The following MYOF variants were observed in gnomAD, a reference collection of about 807,000 sequenced individuals.
The protein encoded by MYOF is myoferlin.
In MYOF, 244 loss-of-function variants were observed where a neutral mutation model predicts 284.2. The observed-to-expected ratio is 0.86, with a 90% confidence interval of 0.77 to 0.95. The LOEUF is 0.95. Among genes scored for constraint, MYOF ranks in the 40% least tolerant of loss-of-function variants. The pLI is 0.00. For missense variants in MYOF, 2,496 were observed against 2,560.6 expected (o/e 0.97, Z 0.54); for synonymous variants, 904 against 919.7 (o/e 0.98, Z 0.31).
chr10:93,442,625 C>G lies in MYOF; in HGVS notation c.236+9425G>C, dbSNP rs149120398. On this transcript the variant is annotated intron_variant, in intron 3 of 53. Transcript: ENST00000359263. ...ATTTATATTCAGAAACTGTTTCTAACTTTGTTCTGCATTGGTGTGGAAGTA... is the reference window on the plus strand; with the variant it reads ...ATTTATATTCAGAAACTGTTTCTAAGTTTGTTCTGCATTGGTGTGGAAGTA... Among the ~76,000 whole-genome samples, 356 of 152,270 alleles carry G rather than the reference C, an allele frequency of 2.3e-3. 2 individuals are homozygous for G. The highest frequency in any genetic ancestry group is 0.014 in the Middle Eastern group (4 of 294).
chr10:93,461,694 GA>G (rs1335917073), intron 1 of MYOF, among the ~76,000 whole-genome samples: 14 of 152,294 alleles, frequency 9.2e-5, no homozygotes, highest in African/African-American at 3.4e-4. Context: ...TGGAACCAAA[GA>G]GCATAGAACT....
rs112779955 is a variant in MYOF, at chr10:93,342,969, C to T, written c.4326+887G>A. 1.8e-4 allele frequency among the ~76,000 whole-genome samples: 27 copies of T among 152,254 alleles called. 1 individual carries two copies. The highest frequency in any genetic ancestry group is 5.8e-4 in the African/African-American group (24 of 41,540). ...GATTCACAGAGAGTAGAATCAAACA[C>T]ACTGCTGCACAGTGCTGGCTGTGGA... is the stretch of plus-strand genomic sequence containing the variant. On this transcript the variant is annotated intron_variant, in intron 38 of 53. Coordinates refer to ENST00000359263, the MANE Select transcript of MYOF (RefSeq NM_013451.4).
intron 38 of MYOF, among the ~76,000 whole-genome samples, chr10:93,342,783 T>C (rs1432285325): frequency 6.6e-6 from 1 of 152,238 alleles, no homozygotes; most frequent in African/African-American, 2.4e-5. Flanking sequence ...TGTCTTTTTC[T>C]AGAGCAGTTG....
Position 93,355,727 on chromosome 10 carries a change from T to C in MYOF, c.3304A>G (p.Thr1102Ala). ...FKLEGALGAD[T>A]TEDGDEKSLE... ...CTCTTCTCATCCCCATCTTCGGTAG[T>C]GTCTGCCCCCTGAAGTCAATTAACA... The change falls in exon 31 of 54, where the codon ACT (threonine) becomes GCT (alanine). Residue 1102 changes from threonine to alanine, a missense_variant. By Grantham distance (58) the Thr-to-Ala change is moderately conservative. This residue lies in a region of MYOF where 2,436 missense variants were observed against 2,480.7 expected (regional missense o/e 0.98). Coordinates refer to ENST00000359263, the MANE Select transcript of MYOF (RefSeq NM_013451.4). 3 of 1,612,486 alleles carry C rather than the reference T, an allele frequency of 1.9e-6. No homozygotes were observed. Among genetic ancestry groups the C allele is most frequent in the Non-Finnish European group, 2.5e-6 (3 of 1,178,898 alleles).
intron 3 of MYOF, among the ~76,000 whole-genome samples, chr10:93,434,171 C>G (rs188266140): frequency 6.6e-6 from 1 of 152,268 alleles, no homozygotes; most frequent in East Asian, 1.9e-4. Flanking sequence ...TGGCTCATGT[C>G]TGTAATCCTA....
At position 93,314,588 on chromosome 10, in the gene MYOF, G is replaced by A. The variant is rs532599385; in HGVS notation, c.5699-1378C>T. Among the ~76,000 whole-genome samples, 72 of 152,296 alleles carry A rather than the reference G, an allele frequency of 4.7e-4. 1 individual carries two copies. In the South Asian group the frequency reaches 0.015, roughly 32 times the overall value. Reference sequence around the variant, plus strand: ...GTGGCATTTTCTCTTTAAACTGTCAGGCTCAGGGACTACCCTTCAGCATAT... The same window carrying A: ...GTGGCATTTTCTCTTTAAACTGTCAAGCTCAGGGACTACCCTTCAGCATAT... On this transcript the variant is annotated intron_variant, in intron 50 of 53. Transcript: ENST00000359263.
chr10:93,394,448 CTTTTTTTTTTTTTTTTT>C (rs33970988), intron 16 of MYOF, among the ~76,000 whole-genome samples: 2 of 28,700 alleles, frequency 7.0e-5, no homozygotes, highest in African/African-American at 2.2e-4. Context: ...ACCATCTTGT[CTTTTTTTTTTTTTTTTT>C]TTTTTTTTTT....
chr10:93,406,717 G>A (rs1406620779), intron 7 of MYOF, among the ~76,000 whole-genome samples: 1 of 152,026 alleles, frequency 6.6e-6, no homozygotes, highest in East Asian at 1.9e-4. Context: ...TCCTTTGAGG[G>A]GAGAGGTTAG....
intron 36 of MYOF, among the ~76,000 whole-genome samples, chr10:93,349,303 T>C (rs12261883): frequency 0.042 from 6,333 of 152,234 alleles, 313 homozygotes; most frequent in African/African-American, 0.13. Flanking sequence ...GTAGCCTCAA[T>C]GGACCAAAGA....
rs761947674 is a variant in MYOF at position 93,333,850 on chromosome 10, G to A, written c.4627C>T (p.Arg1543Trp). 2.7e-5 allele frequency: 43 copies of A among 1,613,954 alleles called. No individual in the cohort carries two copies. Among genetic ancestry groups the A allele is most frequent in the African/African-American group, 1.2e-4 (9 of 74,880 alleles). ...PSVPAPPRQF[R>W]ELPDSVPQEC... ...TGTGGGACGCTGTCAGGTAATTCCCGAAACTGTCTGGGAGGGGCTGGCACG... is the reference window on the plus strand; with the variant it reads ...TGTGGGACGCTGTCAGGTAATTCCCAAAACTGTCTGGGAGGGGCTGGCACG... Residue 1543 changes from arginine (R) to tryptophan (W), a missense_variant, in exon 42 of 54, where the codon CGG becomes TGG. Around this residue, in one of 3 missense-constraint regions of MYOF, gnomAD observed 2,436 missense variants for 2,480.7 expected, o/e 0.98. Transcript: ENST00000359263.
chr10:93,402,171 C>G, intron 11 of MYOF, 61 bp downstream of exon 11: 5 of 1,387,336 alleles, frequency 3.6e-6, no homozygotes, highest in Non-Finnish European at 5.1e-6. Flanking sequence ...TGCCCACATG[C>G]TTAACTCTTG....
intron 37 of MYOF, among the ~76,000 whole-genome samples, chr10:93,346,031 A>T (rs1016178352): frequency 6.6e-6 from 1 of 151,102 alleles, no homozygotes; most frequent in Non-Finnish European, 1.5e-5. Context: ...AACAGTAAGA[A>T]AAAAAAAGCC....
At chr10:93,346,815 G>A (rs1844204398) in intron 37 of MYOF, among the ~76,000 whole-genome samples, 1 of 152,144 alleles carries the variant, frequency 6.6e-6, no homozygotes, top group African/African-American at 2.4e-5. Flanking sequence ...TGTGAGAGGG[G>A]AACATGCCTT....
At chr10:93,342,128 C>T (rs965838877) in intron 38 of MYOF, among the ~76,000 whole-genome samples, 4 of 152,198 alleles carry the variant, frequency 2.6e-5, no homozygotes, top group Non-Finnish European at 5.9e-5. Context: ...AGAGTAATGC[C>T]ATGAGTTTCC....
intron 24 of MYOF, among the ~76,000 whole-genome samples, chr10:93,371,882 A>G (rs1845609473): frequency 6.6e-6 from 1 of 152,186 alleles, no homozygotes. Context: ...TAACTTCTAA[A>G]ACCTAACACA....
intron 7 of MYOF, among the ~76,000 whole-genome samples, chr10:93,407,574 CA>C (rs545711304): frequency 0.05 from 6,612 of 132,552 alleles, 193 homozygotes; most frequent in Middle Eastern, 0.087. Flanking sequence ...ACTAAAAATA[CA>C]AAAAAAAAAA....
chr10:93,443,665 C>A (rs1310360950), intron 3 of MYOF, among the ~76,000 whole-genome samples: 1 of 152,178 alleles, frequency 6.6e-6, no homozygotes, highest in Non-Finnish European at 1.5e-5. Flanking sequence ...AAGCTGGGAA[C>A]TCTCAGGGCT....
At chr10:93,310,309 G>A (rs1318685982) in intron 52 of MYOF, 142 bp from the exon 53 acceptor site, 4 of 1,184,158 alleles carry the variant, frequency 3.4e-6, no homozygotes, top group Admixed American at 2.6e-5. Flanking sequence ...GACTGAGAAA[G>A]GCTCTTTAAC....
chr10:93,353,317 T>G (rs2133895423), intron 32 of MYOF, among the ~76,000 whole-genome samples: 1 of 152,244 alleles, frequency 6.6e-6, no homozygotes, highest in African/African-American at 2.4e-5. Flanking sequence ...AGAAAAAGCC[T>G]CATGGTTTTA....
Sources: gnomAD v4.1 joint callset for allele counts (sites outside exome capture counted in the v4.1 genomes callset) on GRCh38, gnomAD v4.1.1 for gene constraint, gnomAD v4.1.1 regional missense constraint, MANE v1.5 for transcripts, NCBI Gene and HGNC (gene_info 2026-07-23, HGNC 2026-07-21) for gene names.